Variants in HMOX2 observed in about 807,000 individuals in gnomAD.
The protein encoded by HMOX2 is heme oxygenase (decycling) 2.
A neutral mutation model predicts 33.7 loss-of-function variants in HMOX2; 30 were observed. The observed-to-expected ratio is 0.89, with a 90% confidence interval of 0.67 to 1.21. The LOEUF (loss-of-function observed/expected upper bound fraction) is 1.21. HMOX2 is among the 50% of genes most tolerant of loss of function. The probability of loss-of-function intolerance (pLI) is 0.00; values close to 1 mark genes in which losing one functional copy is unlikely to be tolerated. For missense variants in HMOX2, 403 were observed against 399.1 expected, an observed-to-expected ratio of 1.01 and a Z score of -0.08; for synonymous variants, 155 against 155.0, an observed-to-expected ratio of 1.00 and a Z score of 0.00.
intron 3 of HMOX2, 92 bp from the exon 4 acceptor site, chr16:4,507,621 T>C (rs186852622): frequency 8.9e-4 from 1,208 of 1,362,722 alleles, no homozygotes; most frequent in Non-Finnish European, 1.1e-3. Flanking sequence ...ATTGGGTCTT[T>C]GGGGTTGGGG....
intron 1 of HMOX2, among the ~76,000 whole-genome samples, chr16:4,500,169 A>T (rs1437896537): frequency 6.6e-6 from 1 of 152,208 alleles, no homozygotes; most frequent in East Asian, 1.9e-4. Context: ...CTGAAGCGTA[A>T]TCACCTCATA....
intron 1 of HMOX2, chr16:4,488,644 A>G (rs2058232893): frequency 6.6e-6 from 1 of 152,364 alleles, no homozygotes; most frequent in Non-Finnish European, 1.5e-5. Flanking sequence ...CCTTCCCTAG[A>G]GAACAACATG....
intron 1 of HMOX2, among the ~76,000 whole-genome samples, chr16:4,477,382 C>G (rs1596429574): frequency 1.3e-5 from 2 of 150,528 alleles, no homozygotes; most frequent in South Asian, 4.2e-4. Flanking sequence ...GCCTGTAGCT[C>G]CAGCTACTTA....
At chr16:4,507,648 CT>C (rs2058727043) in intron 3 of HMOX2, 64 bp from the exon 4 acceptor site, 2 of 1,554,734 alleles carry the variant, frequency 1.3e-6, no homozygotes, top group Non-Finnish European at 1.7e-6. Context: ...ACTTGAGCCT[CT>C]GCATCCAGCT....
At chr16:4,505,433 G>C (rs2058665718) in intron 1 of HMOX2, 51 bp from the exon 2 acceptor site, 1 of 838,314 alleles carries the variant, frequency 1.2e-6, no homozygotes, top group Admixed American at 2.6e-5. Context: ...CAGGTATTTG[G>C]GGAAGTGACT....
intron 1 of HMOX2, among the ~76,000 whole-genome samples, chr16:4,497,197 G>C (rs1297765366): frequency 6.6e-6 from 1 of 152,136 alleles, no homozygotes; most frequent in Non-Finnish European, 1.5e-5. Flanking sequence ...TTTTGTGCCT[G>C]TATGAAAGGA....
At chr16:4,496,490 T>C (rs1360617943) in intron 1 of HMOX2, 1 of 152,228 alleles carries the variant, frequency 6.6e-6, no homozygotes, top group East Asian at 1.9e-4. Flanking sequence ...ACTGCATGCA[T>C]AAATGCAGTG....
At chr16:4,484,219 C>A (rs1372284086) in intron 1 of HMOX2, among the ~76,000 whole-genome samples, 1 of 152,080 alleles carries the variant, frequency 6.6e-6, no homozygotes, top group Non-Finnish European at 1.5e-5. Flanking sequence ...CATGATCCAC[C>A]CACCTTGGCC....
At position 4,505,547 on chromosome 16, in the gene HMOX2, C is replaced by T; in HGVS notation, c.23C>T (p.Ser8Leu). The change falls in exon 2 of 6, where the codon TCA (serine) becomes TTA (leucine). Residue 8 changes from serine to leucine, a missense_variant. Transcript: ENST00000570646. The stretch of plus-strand genomic sequence containing the variant: ...GCAATGTCAGCGGAAGTGGAAACCT[C>T]AGAGGGGGTAGACGAGTCAGAAAAA... MSAEVET[S>L]EGVDESEKKN... The T allele has an allele frequency of 6.2e-7, 1 of 1,607,320 alleles. No individual in the cohort carries two copies. The highest frequency in any genetic ancestry group is 8.5e-7 in the Non-Finnish European group (1 of 1,176,460).
intron 1 of HMOX2, among the ~76,000 whole-genome samples, chr16:4,494,793 C>CT (rs2058380971): frequency 4.6e-5 from 7 of 151,946 alleles, no homozygotes; most frequent in Admixed American, 4.6e-4. Context: ...GCAGGAGGAT[C>CT]ACTTGAGCCT....
Position 4,509,898 on chromosome 16 carries a change from C to T in HMOX2, c.*142C>T. ...AAAGGCAACCAATAAAAGCCAGATG[C>T]TAGAGCCTCTGCCTGACAGCATCCT... On this transcript the variant is annotated 3_prime_UTR_variant, in exon 6 of 6. Coordinates refer to ENST00000570646, the MANE Select transcript of HMOX2 (RefSeq NM_002134.4). The T allele has an allele frequency of 1.1e-6, 1 of 881,640 alleles. No individual in the cohort carries two copies. The highest frequency in any genetic ancestry group is 2.6e-5 in the Admixed American group (1 of 38,506). 54.6% of individuals were successfully genotyped at this position (881,640 alleles called of 1,614,324 possible). A position where few individuals can be genotyped will look rare whatever the true frequency, so the allele number is the denominator to read the frequency against.
intron 1 of HMOX2, among the ~76,000 whole-genome samples, chr16:4,487,628 G>A (rs1003780389): frequency 3.3e-5 from 5 of 152,056 alleles, no homozygotes; most frequent in South Asian, 4.1e-4. Context: ...GCGAAACCCC[G>A]TCTCCACTAA....
rs2058743953 is a variant in HMOX2 at position 4,508,168 on chromosome 16, G to A, written c.660G>A (p.Val220=). 6 of 1,613,030 alleles carry A rather than the reference G, an allele frequency of 3.7e-6. No homozygotes were observed. In the South Asian group the frequency reaches 6.6e-5, roughly 18 times the overall value. The part of the protein sequence containing the change: ...DLNMKTKERI[V]EEANKAFEYN... The stretch of plus-strand genomic sequence containing the variant: ...ACATGAAGACCAAAGAGAGGATCGT[G>A]GAGGAGGCCAACAAGGCTTTTGAGT... The change falls in exon 4 of 6, where the codon GTG becomes GTA. Residue 220 remains valine (V), a synonymous_variant. Coordinates refer to ENST00000570646, the MANE Select transcript of HMOX2 (RefSeq NM_002134.4).
chr16:4,475,901 T>G (rs375910438), upstream of HMOX2: 1 of 152,186 alleles, frequency 6.6e-6, no homozygotes, highest in Non-Finnish European at 1.5e-5. Flanking sequence ...ATCACGTCAT[T>G]GCACTCCAGC....
At chr16:4,483,572 C>G (rs1419586935) in intron 1 of HMOX2, 2 of 152,112 alleles carry the variant, frequency 1.3e-5, no homozygotes, top group Admixed American at 1.3e-4. Flanking sequence ...AGCTCTGTGC[C>G]AGGAACCTAG....
chr16:4,492,622 G>A (rs1284579827), intron 1 of HMOX2, among the ~76,000 whole-genome samples: 1 of 152,040 alleles, frequency 6.6e-6, no homozygotes, highest in Non-Finnish European at 1.5e-5. Context: ...GGGAGTCTGA[G>A]GCAGGAAAAT....
chr16:4,506,959 A>G lies in HMOX2; in HGVS notation c.151A>G (p.Thr51Ala), dbSNP rs11542539. 1.3e-5 allele frequency: 21 copies of G among 1,613,910 alleles called. No individual in the cohort carries two copies. The highest frequency in any genetic ancestry group is 1.6e-5 in the Non-Finnish European group (19 of 1,179,962). Reference sequence around the variant, plus strand: ...GGAAGCACACGACCGGGCAGAAAACACCCAGTTTGTCAAGGACTTCTTGAA... The same window carrying G: ...GGAAGCACACGACCGGGCAGAAAACGCCCAGTTTGTCAAGGACTTCTTGAA... ...TKEAHDRAEN[T>A]QFVKDFLKGN... The change falls in exon 3 of 6, where the codon ACC becomes GCC. Residue 51 changes from threonine (T) to alanine (A), a missense_variant. Physicochemically the swap from Thr to Ala is moderately conservative, Grantham distance 58. Transcript: ENST00000570646.
At chr16:4,485,068 C>G (rs970392885) in intron 1 of HMOX2, among the ~76,000 whole-genome samples, 1 of 151,044 alleles carries the variant, frequency 6.6e-6, no homozygotes, top group Non-Finnish European at 1.5e-5. Flanking sequence ...TGGGTTCAAG[C>G]GATTCTCTTG....
At chr16:4,482,856 C>T (rs549956814) in intron 1 of HMOX2, among the ~76,000 whole-genome samples, 1 of 152,134 alleles carries the variant, frequency 6.6e-6, no homozygotes, top group Admixed American at 6.6e-5. Context: ...GGTGAAACCC[C>T]ATTTCTAGTA....
Sources: gnomAD v4.1 joint callset for allele counts (sites outside exome capture counted in the v4.1 genomes callset) on GRCh38, gnomAD v4.1.1 for gene constraint, MANE v1.5 for transcripts, NCBI Gene and HGNC (gene_info 2026-07-23, HGNC 2026-07-21) for gene names.